Variants in CFAP251 observed in about 807,000 individuals in gnomAD.
CFAP251 encodes cilia and flagella associated protein 251, also known as cilia- and flagella-associated protein 251.
In CFAP251, 93 loss-of-function variants were observed where a neutral mutation model predicts 126.7. The ratio of observed to expected loss-of-function variants is 0.73; its 90% CI spans 0.62 to 0.87. The LOEUF is 0.87. CFAP251 is among the 40% of genes least tolerant of loss of function. The probability of loss-of-function intolerance (pLI) is 0.00; values close to 1 mark genes in which losing one functional copy is unlikely to be tolerated. For missense variants in CFAP251, 1,287 were observed against 1,389.2 expected (o/e 0.93, Z 1.17); for synonymous variants, 503 against 506.9 (o/e 0.99, Z 0.10).
rs576252302 is a variant in CFAP251, at chr12:121,941,061, C to A, written c.999-1473C>A. Among the ~76,000 whole-genome samples, 326 of 151,142 alleles carry A rather than the reference C, an allele frequency of 2.2e-3. 1 individual carries two copies. The highest frequency in any genetic ancestry group is 7.6e-3 in the African/African-American group (313 of 41,210). On this transcript the variant is annotated intron_variant, in intron 5 of 21. Coordinates refer to ENST00000288912, the MANE Select transcript of CFAP251 (RefSeq NM_144668.6). ...TTTATTTTTTTTTGAGATGGAGTTT[C>A]ACTTTTGTTCCCCGGCTGGAGTGCA...
At position 121,956,577 on chromosome 12, in the gene CFAP251, G is replaced by C. The variant is rs778831300; in HGVS notation, c.1536-497G>C. 3.0e-4 allele frequency among the ~76,000 whole-genome samples: 46 copies of C among 152,198 alleles called. 1 individual carries two copies. Among genetic ancestry groups the C allele is most frequent in the South Asian group, 6.2e-4 (3 of 4,826 alleles). ...ATGATGCAATCTCGGCTCACTGCAA[G>C]CTCCGCCTTCCATGTTCAAGCGATT... On this transcript the variant is annotated intron_variant, in intron 10 of 21. Transcript: ENST00000288912.
intron 12 of CFAP251, 64 bp downstream of exon 12, chr12:121,958,586 C>G: frequency 6.3e-7 from 1 of 1,596,506 alleles, no homozygotes; most frequent in Non-Finnish European, 8.6e-7. Flanking sequence ...GATGGATGCA[C>G]CTGGGCTGGC....
chr12:121,925,122 C>A (rs1880360263), intron 3 of CFAP251, among the ~76,000 whole-genome samples: 1 of 152,032 alleles, frequency 6.6e-6, no homozygotes, highest in African/African-American at 2.4e-5. Flanking sequence ...TTTACATGAC[C>A]CCAAAACCAT....
At chr12:121,946,910 G>A (rs189155910) in intron 7 of CFAP251, among the ~76,000 whole-genome samples, 2 of 152,250 alleles carry the variant, frequency 1.3e-5, no homozygotes, top group East Asian at 3.9e-4. Flanking sequence ...GTGTCTATGT[G>A]GAAGTGGGTA....
At chr12:121,969,161 C>T in intron 17 of CFAP251, 1 of 985,436 alleles carries the variant, frequency 1.0e-6, no homozygotes, top group Non-Finnish European at 1.2e-6. Flanking sequence ...CAGTGTACCC[C>T]CTGCCATCTG....
At chr12:121,978,376 A>T (rs1390442463) in intron 19 of CFAP251, among the ~76,000 whole-genome samples, 2 of 117,010 alleles carry the variant, frequency 1.7e-5, no homozygotes. Flanking sequence ...CCTGGGCGAC[A>T]GAGCAAGACT....
intron 16 of CFAP251, 135 bp from the exon 17 acceptor site, chr12:121,967,871 C>G (rs1882200447): frequency 1.3e-6 from 1 of 790,318 alleles, no homozygotes; most frequent in African/African-American, 1.7e-5. Flanking sequence ...TTAAATGTGG[C>G]TCTCACACTC....
chr12:121,958,795 G>T (rs1881824918), intron 12 of CFAP251, 148 bp from the exon 13 acceptor site: 2 of 1,069,998 alleles, frequency 1.9e-6, no homozygotes, highest in Admixed American at 2.8e-5. Context: ...CACCCCAGGA[G>T]ATCACGCGTT....
At chr12:121,947,085 C>A (rs1881352275) in intron 7 of CFAP251, among the ~76,000 whole-genome samples, 1 of 152,134 alleles carries the variant, frequency 6.6e-6, no homozygotes, top group Non-Finnish European at 1.5e-5. Flanking sequence ...ATACGTTAGA[C>A]CTTTTCTGGT....
At chr12:122,003,513 CAGTG>C in intron 21 of CFAP251, 135 bp from the exon 22 acceptor site, 2 of 586,498 alleles carry the variant, frequency 3.4e-6, no homozygotes, top group Non-Finnish European at 6.0e-6. Context: ...TTCAAGGCTG[CAGTG>C]AGCTATGATC....
At position 121,931,737 on chromosome 12, in the gene CFAP251, G is replaced by A. The variant is rs778399231; in HGVS notation, c.748-9G>A. ...GTAATGTCTTGCTGGCTTTGCCCTT[G>A]TCTTCCAGACCATGACCTGGTCGTT... is the stretch of plus-strand genomic sequence containing the variant. On this transcript the variant is annotated splice_polypyrimidine_tract_variant and intron_variant, in intron 3 of 21. Transcript: ENST00000288912. The A allele has an allele frequency of 2.3e-5, 35 of 1,548,830 alleles. No homozygotes were observed. The South Asian group carries it at 3.2e-4, about 14-fold the overall frequency.
Position 121,978,978 on chromosome 12 carries a change from A to G in CFAP251, c.3006+3293A>G, listed in dbSNP as rs535894004. On this transcript the variant is annotated intron_variant, in intron 19 of 21. Coordinates refer to ENST00000288912, the MANE Select transcript of CFAP251 (RefSeq NM_144668.6). Reference sequence around the variant, plus strand: ...CATAAATGTAGCATTTTACGTGCCCATCTTCAGGAATCCACAAGTCCTGAA... The same window carrying G: ...CATAAATGTAGCATTTTACGTGCCCGTCTTCAGGAATCCACAAGTCCTGAA... Among the ~76,000 whole-genome samples the G allele has an allele frequency of 2.6e-5, 4 of 152,298 alleles. No individual in the cohort carries two copies. In the South Asian group the frequency reaches 8.3e-4, roughly 32 times the overall value.
rs755391806 is a variant in CFAP251 at position 122,001,854 on chromosome 12, G to A, written c.3337+256G>A. ...TGTTCCACTGACCTGTCATCTTGCC[G>A]GCTTGGGTGGGTGAATATTGGCCAC... On this transcript the variant is annotated intron_variant, in intron 21 of 21. Coordinates refer to ENST00000288912, the MANE Select transcript of CFAP251 (RefSeq NM_144668.6). The A allele has an allele frequency of 5.1e-4, 251 of 495,800 alleles. 2 individuals are homozygous for A. Among genetic ancestry groups the A allele is most frequent in the South Asian group, 2.4e-4 (11 of 46,408 alleles). 30.7% of individuals were successfully genotyped at this position (495,800 alleles called of 1,614,324 possible). A position where few individuals can be genotyped will look rare whatever the true frequency, so the allele number is the denominator to read the frequency against.
chr12:121,947,101 C>G (rs1881352729), intron 7 of CFAP251, among the ~76,000 whole-genome samples: 1 of 152,144 alleles, frequency 6.6e-6, no homozygotes, highest in African/African-American at 2.4e-5. Context: ...CTGGTCTTGT[C>G]CCACTGGTCT....
intron 17 of CFAP251, chr12:121,968,792 TA>T: frequency 1.6e-6 from 1 of 610,016 alleles, no homozygotes; most frequent in Non-Finnish European, 2.1e-6. Flanking sequence ...AGGATCCCTG[TA>T]AAGATCAGGT....
chr12:121,950,769 G>C (rs1881491601), intron 8 of CFAP251: 1 of 151,430 alleles, frequency 6.6e-6, no homozygotes, highest in Non-Finnish European at 1.5e-5. Context: ...TGTTGGCCAG[G>C]CTTGTCTCAA....
intron 19 of CFAP251, among the ~76,000 whole-genome samples, chr12:121,980,408 C>CTT (rs548905552): frequency 7.3e-4 from 102 of 139,448 alleles, no homozygotes; most frequent in Middle Eastern, 3.9e-3. Context: ...TCACTTCCTT[C>CTT]TTTTTTTTTT....
Position 121,966,950 on chromosome 12 carries a change from T to C in CFAP251, c.2493-5T>C. 1 of 1,612,722 alleles carries C rather than the reference T, an allele frequency of 6.2e-7. No individual in the cohort carries two copies. The highest frequency in any genetic ancestry group is 8.5e-7 in the Non-Finnish European group (1 of 1,179,152). On this transcript the variant is annotated splice_polypyrimidine_tract_variant and splice_region_variant and intron_variant, in intron 15 of 21. Coordinates refer to ENST00000288912, the MANE Select transcript of CFAP251 (RefSeq NM_144668.6). Reference sequence around the variant, plus strand: ...TTTAAAAACTCTTTCTCTTTTTGCCTTCAGAAAGACGCTTCTGGGGCCAGC... The same window carrying C: ...TTTAAAAACTCTTTCTCTTTTTGCCCTCAGAAAGACGCTTCTGGGGCCAGC...
At chr12:121,929,912 A>G (rs1486035723) in intron 3 of CFAP251, among the ~76,000 whole-genome samples, 1 of 152,116 alleles carries the variant, frequency 6.6e-6, no homozygotes, top group Non-Finnish European at 1.5e-5. Flanking sequence ...TCCTGACCTG[A>G]GATGATCCAC....
Sources: gnomAD v4.1 joint callset for allele counts (sites outside exome capture counted in the v4.1 genomes callset) on GRCh38, gnomAD v4.1.1 for gene constraint, MANE v1.5 for transcripts, NCBI Gene and HGNC (gene_info 2026-07-23, HGNC 2026-07-21) for gene names.